FAHD2A: variants seen among roughly 807,000 people sequenced by gnomAD.
FAHD2A encodes fumarylacetoacetate hydrolase domain containing 2A.
FAHD2A carries 27 observed loss-of-function variants against 33.4 expected under a neutral mutation model. The observed-to-expected ratio is 0.81, with a 90% CI of 0.60 to 1.11. The LOEUF (loss-of-function observed/expected upper bound fraction) is 1.11, where lower values mean the gene tolerates loss of function less well. FAHD2A is among the 50% of genes most tolerant of loss of function. FAHD2A has a pLI of 0.00. For missense variants in FAHD2A, 296 were observed against 395.0 expected, an observed-to-expected ratio of 0.75 and a Z score of 2.12; for synonymous variants, 130 against 153.3, an observed-to-expected ratio of 0.85 and a Z score of 1.12.
chr2:95,410,660 C>G, intron 4 of FAHD2A, 74 bp downstream of exon 4: 6 of 1,591,012 alleles, frequency 3.8e-6, no homozygotes, highest in Non-Finnish European at 5.1e-6. Context: ...TAGTTCTGAC[C>G]CCACTCACCA....
At chr2:95,405,311 C>T in intron 1 of FAHD2A, 1 of 478,678 alleles carries the variant, frequency 2.1e-6, no homozygotes. Context: ...TCAGAAAGCA[C>T]TGGTTGAAGG....
Position 95,412,916 on chromosome 2 carries a change from G to A in FAHD2A, c.904G>A (p.Glu302Lys). The change falls in exon 8 of 8, where the codon GAG becomes AAG. Residue 302 changes from glutamate (E) to lysine (K), a missense_variant. Physicochemically the swap from Glu to Lys is moderately conservative, Grantham distance 56. Transcript: ENST00000233379. ...GCAGAAGGGGGATGAAGTCCAGTGT[G>A]AGATTGAAGAACTAGGTGTCATCAT... ...FLKKGDEVQC[E>K]IEELGVIINK... The A allele has an allele frequency of 1.9e-6, 3 of 1,614,248 alleles. No individual in the cohort carries two copies. Among genetic ancestry groups the A allele is most frequent in the Non-Finnish European group, 2.5e-6 (3 of 1,180,048 alleles).
At chr2:95,404,714 G>A (rs532031256) in intron 1 of FAHD2A, among the ~76,000 whole-genome samples, 3 of 152,354 alleles carry the variant, frequency 2.0e-5, no homozygotes, top group East Asian at 3.9e-4. Flanking sequence ...AAGTCACTGA[G>A]AGCCTTCTGT....
downstream of FAHD2A, among the ~76,000 whole-genome samples, chr2:95,419,437 G>T (rs1340134537): frequency 1.3e-5 from 2 of 151,996 alleles, no homozygotes; most frequent in Admixed American, 1.3e-4. Flanking sequence ...GGAAGAAAAA[G>T]ATTAAAAGGA....
chr2:95,407,945 T>C (rs1681869471), intron 3 of FAHD2A, among the ~76,000 whole-genome samples: 1 of 151,802 alleles, frequency 6.6e-6, no homozygotes, highest in East Asian at 1.9e-4. Flanking sequence ...AACACTCAGA[T>C]AACTTTTCCA....
At position 95,410,890 on chromosome 2, in the gene FAHD2A, C is replaced by T. The variant is rs374507627; in HGVS notation, c.549C>T (p.Ala183=). Residue 183 remains alanine, a synonymous_variant, in exon 5 of 8, where the codon GCC becomes GCT. Coordinates refer to ENST00000233379, the MANE Select transcript of FAHD2A (RefSeq NM_016044.3). ...IKATDAMAHV[A]GFTVAHDVSA... Reference sequence around the variant, plus strand: ...CCACAGATGCTATGGCCCACGTGGCCGGCTTCACTGTGGCTCATGACGTGA... The same window carrying T: ...CCACAGATGCTATGGCCCACGTGGCTGGCTTCACTGTGGCTCATGACGTGA... 1.3e-5 allele frequency: 21 copies of T among 1,613,868 alleles called. No homozygotes were observed. The highest frequency in any genetic ancestry group is 8.0e-5 in the African/African-American group (6 of 74,940).
chr2:95,403,994 T>C (rs1681129098), intron 1 of FAHD2A, among the ~76,000 whole-genome samples: 1 of 152,206 alleles, frequency 6.6e-6, no homozygotes, highest in Non-Finnish European at 1.5e-5. Flanking sequence ...GTCAAAGCCC[T>C]CGGTTTTCTA....
At chr2:95,405,208 C>G (rs1209281241) in intron 1 of FAHD2A, 1 of 214,390 alleles carries the variant, frequency 4.7e-6, no homozygotes, top group African/African-American at 2.3e-5. Context: ...CAGTTGTTAA[C>G]ATCTGTGACC....
rs1269126695 is a variant in FAHD2A at position 95,414,269 on chromosome 2, C to T, written c.*1312C>T. 29 of 1,549,602 alleles carry T rather than the reference C, an allele frequency of 1.9e-5. No homozygotes were observed. The highest frequency in any genetic ancestry group is 2.3e-4 in the Middle Eastern group (1 of 4,422). ...TCACCAAAGATCCCTTCTTCCTGGG[C>T]GGTGGCCTGCAGGAACTGGAACAGC... On this transcript the variant is annotated 3_prime_UTR_variant, in exon 8 of 8. Coordinates refer to ENST00000233379, the MANE Select transcript of FAHD2A (RefSeq NM_016044.3).
In FAHD2A at chr2:95,405,400, C is replaced by A. The variant is rs546603439; in HGVS notation, c.-6-153C>A. 28 of 1,131,166 alleles carry A rather than the reference C, an allele frequency of 2.5e-5. No individual in the cohort carries two copies. The South Asian group carries it at 4.3e-4, about 17-fold the overall frequency. The allele number at this position is 1,131,166 out of a possible 1,614,324, so 70.1% of individuals were successfully genotyped here. A position where few individuals can be genotyped will look rare whatever the true frequency, so the allele number is the denominator to read the frequency against. ...AAAAGTTTCACCTTATGAAGTATAG[C>A]AGGTAAAATACAAGCCTGGACCACT... is the stretch of plus-strand genomic sequence containing the variant. On this transcript the variant is annotated intron_variant, in intron 1 of 7. Transcript: ENST00000233379.
downstream of FAHD2A, among the ~76,000 whole-genome samples, chr2:95,419,522 TC>T (rs889450710): frequency 1.4e-4 from 22 of 152,092 alleles, no homozygotes; most frequent in African/African-American, 4.3e-4. Context: ...TTGGCCTAGA[TC>T]CTATAGAAAG....
rs1683172944 is a variant in FAHD2A, at chr2:95,416,426, T to TG, written c.*3470dup. 1 of 152,148 alleles carries TG rather than the reference T, an allele frequency of 6.6e-6. No homozygotes were observed. The highest frequency in any genetic ancestry group is 2.4e-5 in the African/African-American group (1 of 41,434). The allele number at this position is 152,148 out of a possible 1,614,324, so 9.4% of individuals were successfully genotyped here. A position where few individuals can be genotyped will look rare whatever the true frequency, so the allele number is the denominator to read the frequency against. On this transcript the variant is annotated 3_prime_UTR_variant, in exon 8 of 8. Coordinates refer to ENST00000233379, the MANE Select transcript of FAHD2A (RefSeq NM_016044.3). ...TGATTCCTGCAGCCTGTTGCCTCCT[T>TG]GCCTGGACCCCGCCTCAGCTCAGAA...
rs1405382274 is a variant in FAHD2A, at chr2:95,416,497, G to A, written c.*3540G>A. 3.3e-5 allele frequency: 5 copies of A among 152,192 alleles called. No individual in the cohort carries two copies. Among genetic ancestry groups the A allele is most frequent in the Non-Finnish European group, 7.3e-5 (5 of 68,066 alleles). 9.4% of individuals were successfully genotyped at this position (152,192 alleles called of 1,614,324 possible). A position where few individuals can be genotyped will look rare whatever the true frequency, so the allele number is the denominator to read the frequency against. ...AAGGCCTTCCCAGACCAATTAGCAT[G>A]TCCTGCAGCTGTCAGCTCCCTGTGC... is the stretch of plus-strand genomic sequence containing the variant. On this transcript the variant is annotated 3_prime_UTR_variant, in exon 8 of 8. Transcript: ENST00000233379.
At position 95,410,970 on chromosome 2, in the gene FAHD2A, C is replaced by G; in HGVS notation, c.629C>G (p.Thr210Ser). 2 of 1,613,992 alleles carry G rather than the reference C, an allele frequency of 1.2e-6. No individual in the cohort carries two copies. Among genetic ancestry groups the G allele is most frequent in the Non-Finnish European group, 1.7e-6 (2 of 1,179,868 alleles). The change falls in exon 5 of 8, where the codon ACC becomes AGC. Residue 210 changes from threonine to serine, a missense_variant. Physicochemically the swap from Thr to Ser is moderately conservative, Grantham distance 58. Coordinates refer to ENST00000233379, the MANE Select transcript of FAHD2A (RefSeq NM_016044.3). ...RNGKQWLLGK[T>S]FDTFCPLGPA... ...GGGAAACAATGGCTGCTGGGAAAAA[C>G]CTTCGACACCTTCTGCCCTCTGGGC...
downstream of FAHD2A, among the ~76,000 whole-genome samples, chr2:95,417,514 GAA>G (rs1458754509): frequency 6.6e-6 from 1 of 152,214 alleles, no homozygotes; most frequent in Non-Finnish European, 1.5e-5. Context: ...ACCTATGAGA[GAA>G]AAGATATCCA....
rs775278978 is a variant in FAHD2A, at chr2:95,412,998, G to C, written c.*41G>C. On this transcript the variant is annotated 3_prime_UTR_variant, in exon 8 of 8. Coordinates refer to ENST00000233379, the MANE Select transcript of FAHD2A (RefSeq NM_016044.3). ...CCCTGCACATAGGATGAGGGCATCT[G>C]CTCCCACTCAGCCTAGCCCAGGGAA... 10 of 1,609,526 alleles carry C rather than the reference G, an allele frequency of 6.2e-6. No homozygotes were observed. Among genetic ancestry groups the C allele is most frequent in the African/African-American group, 2.7e-5 (2 of 74,946 alleles).
chr2:95,409,201 A>G (rs1479987714), intron 3 of FAHD2A, among the ~76,000 whole-genome samples: 1 of 152,192 alleles, frequency 6.6e-6, no homozygotes, highest in East Asian at 1.9e-4. Flanking sequence ...GTAATAAGCA[A>G]TCCATGGGTG....
At chr2:95,420,631 C>A (rs1558811174), downstream of FAHD2A, among the ~76,000 whole-genome samples, 1 of 150,552 alleles carries the variant, frequency 6.6e-6, no homozygotes, top group Non-Finnish European at 1.5e-5. Context: ...AAGTTTGTGT[C>A]CAAAATTAAG....
intron 3 of FAHD2A, among the ~76,000 whole-genome samples, chr2:95,409,650 C>A (rs1682162087): frequency 6.6e-6 from 1 of 152,218 alleles, no homozygotes; most frequent in African/African-American, 2.4e-5. Flanking sequence ...TTTTTATTGG[C>A]TGGCATTCTT....
Sources: allele counts gnomAD v4.1 joint callset (sites outside exome capture counted in the v4.1 genomes callset), GRCh38; gene constraint gnomAD v4.1.1; transcripts MANE v1.5; gene names NCBI Gene and HGNC (gene_info 2026-07-23, HGNC 2026-07-21).